The following GSE1 variants were observed in gnomAD, a reference collection of about 807,000 sequenced individuals.
The protein encoded by GSE1 is genetic suppressor element 1.
In GSE1, 32 loss-of-function variants were observed where a neutral mutation model predicts 112.6. That is an observed-to-expected ratio of 0.28 (90% CI 0.21 to 0.38). GSE1 has a LOEUF of 0.38. Ranked by LOEUF, GSE1 falls within the 10% of genes least tolerant of loss-of-function variation. The pLI is 1.00. For synonymous variants in GSE1, 1,115 were observed against 735.6 expected, an observed-to-expected ratio of 1.52 and a Z score of -8.35; for missense variants, 2,348 against 1,699.2, an observed-to-expected ratio of 1.38 and a Z score of -6.71.
Position 85,661,213 on chromosome 16 carries a change from C to T in GSE1, c.1708C>T (p.Leu570=), listed in dbSNP as rs984609622. Residue 570 remains leucine (L), a synonymous_variant, in exon 9 of 16, where the codon CTG becomes TTG. Coordinates refer to ENST00000253458, the MANE Select transcript of GSE1 (RefSeq NM_014615.5). ...GCAGCACTTTGGGGGGCCACCACCT[C>T]TGATTTCGCCCAAGCCCCAGCTCCA... ...PPQHFGGPPP[L]ISPKPQLHAA... 1.2e-6 allele frequency: 2 copies of T among 1,608,108 alleles called. No individual in the cohort carries two copies. The highest frequency in any genetic ancestry group is 1.7e-5 in the Admixed American group (1 of 59,862).
intron 2 of GSE1, among the ~76,000 whole-genome samples, chr16:85,451,889 C>T (rs990642092): frequency 6.6e-6 from 1 of 152,196 alleles, no homozygotes; most frequent in Non-Finnish European, 1.5e-5. Flanking sequence ...CTGAAGCCCA[C>T]AGTCACACTG....
chr16:85,648,843 G>C lies in GSE1; in HGVS notation c.426+92G>C, dbSNP rs2051098315. 6 of 703,990 alleles carry C rather than the reference G, an allele frequency of 8.5e-6. No individual in the cohort carries two copies. The South Asian group carries it at 1.3e-4, about 15-fold the overall frequency. 43.6% of individuals were successfully genotyped at this position (703,990 alleles called of 1,614,324 possible). A position where few individuals can be genotyped will look rare whatever the true frequency, so the allele number is the denominator to read the frequency against. On this transcript the variant is annotated intron_variant, in intron 3 of 15. Coordinates refer to ENST00000253458, the MANE Select transcript of GSE1 (RefSeq NM_014615.5). ...GGGGCTCTGGAGCTTTCGAGGTTGA[G>C]TTTACATTCCAGACACCCCCTCCCC...
intron 2 of GSE1, among the ~76,000 whole-genome samples, chr16:85,634,364 C>A (rs763666355): frequency 6.6e-6 from 1 of 152,248 alleles, no homozygotes; most frequent in Non-Finnish European, 1.5e-5. Context: ...CCTTCCTCGG[C>A]CCCCGGAGCC....
intron 2 of GSE1, among the ~76,000 whole-genome samples, chr16:85,493,547 A>C (rs1420196887): frequency 1.3e-5 from 2 of 152,244 alleles, no homozygotes; most frequent in South Asian, 2.1e-4. Context: ...TGAGGTCGGG[A>C]GTTCAAGACC....
At chr16:85,396,358 G>A (rs1018070568) in intron 2 of GSE1, among the ~76,000 whole-genome samples, 1 of 152,246 alleles carries the variant, frequency 6.6e-6, no homozygotes, top group Non-Finnish European at 1.5e-5. Flanking sequence ...AGCGCAGACA[G>A]GCCCTGTCTT....
chr16:85,635,555 C>G (rs952390750), intron 2 of GSE1, among the ~76,000 whole-genome samples: 1 of 152,198 alleles, frequency 6.6e-6, no homozygotes, highest in Admixed American at 6.5e-5. Context: ...TGGGAGGAAG[C>G]TGAGCTTGGA....
At chr16:85,401,856 C>T (rs1280482575) in intron 2 of GSE1, among the ~76,000 whole-genome samples, 2 of 152,216 alleles carry the variant, frequency 1.3e-5, no homozygotes, top group Admixed American at 1.3e-4. Flanking sequence ...ATGTGCTTTC[C>T]GTGTTCCCAG....
intron 2 of GSE1, among the ~76,000 whole-genome samples, chr16:85,635,854 C>T (rs1020348780): frequency 6.6e-6 from 1 of 152,224 alleles, no homozygotes; most frequent in African/African-American, 2.4e-5. Flanking sequence ...GGTTTCCCTC[C>T]TCGCCAAGGA....
chr16:85,473,811 C>T (rs983849736), intron 2 of GSE1, among the ~76,000 whole-genome samples: 3 of 152,082 alleles, frequency 2.0e-5, no homozygotes, highest in African/African-American at 7.2e-5. Context: ...TACAGGAGGA[C>T]AGCAGAGACC....
At chr16:85,629,966 A>C (rs888457291) in intron 1 of GSE1, among the ~76,000 whole-genome samples, 1 of 152,182 alleles carries the variant, frequency 6.6e-6, no homozygotes, top group Non-Finnish European at 1.5e-5. Context: ...AGGATGGCTT[A>C]GCTGGGTGGT....
chr16:85,339,016 A>T (rs1567698421), intron 1 of GSE1, among the ~76,000 whole-genome samples: 1 of 152,018 alleles, frequency 6.6e-6, no homozygotes, highest in Admixed American at 6.6e-5. Context: ...GTGGACTCGC[A>T]GCTGGGCATG....
intron 1 of GSE1, among the ~76,000 whole-genome samples, chr16:85,225,061 G>C (rs1042107647): frequency 1.3e-5 from 2 of 152,172 alleles, no homozygotes; most frequent in African/African-American, 2.4e-5. Context: ...ATCCCAGGAG[G>C]TGGAAGTTGC....
chr16:85,260,827 A>T (rs753409925), intron 1 of GSE1, among the ~76,000 whole-genome samples: 28 of 152,240 alleles, frequency 1.8e-4, no homozygotes, highest in Non-Finnish European at 3.7e-4. Context: ...TGACATCTGC[A>T]GTGATGAGCG....
chr16:85,184,296 G>C (rs73260325), intron 1 of GSE1, among the ~76,000 whole-genome samples: 4,029 of 152,260 alleles, frequency 0.026, 184 homozygotes, highest in African/African-American at 0.091. Flanking sequence ...TGACTCTGCT[G>C]GTGGCATCTT....
upstream of GSE1, chr16:85,555,558 C>G (rs1004798835): frequency 3.1e-6 from 3 of 970,230 alleles, no homozygotes; most frequent in African/African-American, 5.3e-5. Flanking sequence ...CTCCTCTCCC[C>G]TCTCCCGCTC....
intron 2 of GSE1, among the ~76,000 whole-genome samples, chr16:85,636,973 A>AG (rs1242741954): frequency 1.3e-5 from 2 of 152,170 alleles, no homozygotes; most frequent in Non-Finnish European, 2.9e-5. Context: ...AGAGGGCAGC[A>AG]GGGGGAACCT....
chr16:85,539,844 G>T (rs966681483), intron 2 of GSE1, among the ~76,000 whole-genome samples: 1 of 152,182 alleles, frequency 6.6e-6, no homozygotes, highest in African/African-American at 2.4e-5. Context: ...TTGCTACTGA[G>T]CTCCCATGTG....
chr16:85,638,574 G>A (rs1164283701), intron 2 of GSE1, among the ~76,000 whole-genome samples: 1 of 152,172 alleles, frequency 6.6e-6, no homozygotes, highest in Non-Finnish European at 1.5e-5. Flanking sequence ...TGAATCGTGG[G>A]GACTGGGTGG....
At chr16:85,665,461 G>GA (rs1403404710) in intron 12 of GSE1, among the ~76,000 whole-genome samples, 1 of 152,188 alleles carries the variant, frequency 6.6e-6, no homozygotes. Flanking sequence ...AGGAGGGAGG[G>GA]CGTGCTCCAG....
Sources: allele counts gnomAD v4.1 joint callset (sites outside exome capture counted in the v4.1 genomes callset), GRCh38; gene constraint gnomAD v4.1.1; transcripts MANE v1.5; gene names NCBI Gene and HGNC (gene_info 2026-07-23, HGNC 2026-07-21).